Variants in UVRAG observed in about 807,000 individuals in gnomAD.
UVRAG encodes the protein UV radiation resistance-associated gene protein.
UVRAG carries 19 observed loss-of-function variants against 78.0 expected under a neutral mutation model. The observed-to-expected ratio is 0.24, with a 90% confidence interval of 0.17 to 0.36. The LOEUF (loss-of-function observed/expected upper bound fraction) is 0.36, where lower values mean the gene tolerates loss of function less well. Ranked by LOEUF, UVRAG falls within the 10% of genes least tolerant of loss-of-function variation. The probability of loss-of-function intolerance (pLI) is 1.00; values close to 1 mark genes in which losing one functional copy is unlikely to be tolerated. For synonymous variants in UVRAG, 323 were observed against 324.6 expected (o/e 1.00, Z 0.05); for missense variants, 740 against 853.8 (o/e 0.87, Z 1.66).
At chr11:76,028,678 C>T (rs1025678280) in intron 12 of UVRAG, among the ~76,000 whole-genome samples, 14 of 152,120 alleles carry the variant, frequency 9.2e-5, no homozygotes, top group Non-Finnish European at 1.3e-4. Context: ...TCCAGAGCAA[C>T]GACCTAACTT....
intron 14 of UVRAG, among the ~76,000 whole-genome samples, chr11:76,129,934 CTCTCTCTCTCTCTCGCTT>C (rs1952482818): frequency 1.4e-5 from 2 of 143,040 alleles, no homozygotes; most frequent in South Asian, 4.2e-4. Context: ...CTCTCTCTCG[CTCTCTCTCTCTCTCGCTT>C]TCTCTCTCTC....
At chr11:75,823,143 G>C (rs1037118546) in intron 1 of UVRAG, among the ~76,000 whole-genome samples, 4 of 152,180 alleles carry the variant, frequency 2.6e-5, no homozygotes. Context: ...AATGACAGAG[G>C]TTTTAAGAGC....
At chr11:76,119,348 C>T (rs1952236609) in intron 14 of UVRAG, among the ~76,000 whole-genome samples, 1 of 152,102 alleles carries the variant, frequency 6.6e-6, no homozygotes, top group South Asian at 2.1e-4. Flanking sequence ...CTTTCCTCCT[C>T]CGCCTCCTCT....
At chr11:76,132,395 G>A (rs1952528243) in intron 14 of UVRAG, among the ~76,000 whole-genome samples, 1 of 152,100 alleles carries the variant, frequency 6.6e-6, no homozygotes, top group African/African-American at 2.4e-5. Flanking sequence ...ATTTTGACCA[G>A]CTGTGATCTA....
intron 14 of UVRAG, among the ~76,000 whole-genome samples, chr11:76,126,374 T>A (rs1952395347): frequency 6.6e-6 from 1 of 152,254 alleles, no homozygotes; most frequent in Non-Finnish European, 1.5e-5. Context: ...TTTTAAAGAT[T>A]ATTAATAAAT....
At chr11:75,826,268 G>A (rs1945508816) in intron 1 of UVRAG, among the ~76,000 whole-genome samples, 1 of 151,972 alleles carries the variant, frequency 6.6e-6, no homozygotes, top group Admixed American at 6.5e-5. Context: ...TGATTCTCCT[G>A]CCTCAGCCTC....
intron 8 of UVRAG, among the ~76,000 whole-genome samples, chr11:75,990,400 G>C (rs561459809): frequency 1.3e-5 from 2 of 152,144 alleles, no homozygotes; most frequent in Middle Eastern, 3.2e-3. Context: ...CACATTTTGT[G>C]TAGCAAGAAT....
chr11:76,111,290 A>G (rs753805551), intron 13 of UVRAG, among the ~76,000 whole-genome samples: 1 of 152,228 alleles, frequency 6.6e-6, no homozygotes, highest in Non-Finnish European at 1.5e-5. Flanking sequence ...AATCCAAACC[A>G]CAGACTCCAG....
In UVRAG at chr11:76,039,256, A is replaced by G. The variant is rs1228746894; in HGVS notation, c.1226+22276A>G. ...ATATGTGGTACTTGGTAAAGCATCA[A>G]ATGTTGGCCAATAATAGTAGTAGTG... On this transcript the variant is annotated intron_variant, in intron 12 of 14. Transcript: ENST00000356136. Among the ~76,000 whole-genome samples the G allele has an allele frequency of 2.0e-5, 3 of 152,344 alleles. No homozygotes were observed. The East Asian group carries it at 5.8e-4, about 29-fold the overall frequency.
intron 6 of UVRAG, among the ~76,000 whole-genome samples, chr11:75,953,255 C>T (rs1286318107): frequency 6.6e-6 from 1 of 152,142 alleles, no homozygotes; most frequent in Non-Finnish European, 1.5e-5. Context: ...CACTAACCTT[C>T]CTGTTTGCAG....
At chr11:75,822,894 A>T (rs57784548) in intron 1 of UVRAG, among the ~76,000 whole-genome samples, 2,768 of 152,108 alleles carry the variant, frequency 0.018, 84 homozygotes, top group African/African-American at 0.063. Flanking sequence ...GTCAGTCTTC[A>T]GCCCCTCTCC....
At chr11:76,037,991 A>G (rs1477689983) in intron 12 of UVRAG, among the ~76,000 whole-genome samples, 2 of 152,188 alleles carry the variant, frequency 1.3e-5, no homozygotes, top group Non-Finnish European at 2.9e-5. Context: ...AATTTTAAAA[A>G]TACAGATTTT....
intron 2 of UVRAG, among the ~76,000 whole-genome samples, chr11:75,857,787 CTT>C (rs112109313): frequency 7.0e-6 from 1 of 142,856 alleles, no homozygotes; most frequent in Non-Finnish European, 1.5e-5. Context: ...TGTACTCAGC[CTT>C]TTTTTTTTTT....
intron 8 of UVRAG, among the ~76,000 whole-genome samples, chr11:76,001,840 G>A (rs915360963): frequency 8.5e-5 from 13 of 152,062 alleles, no homozygotes; most frequent in Non-Finnish European, 1.9e-4. Flanking sequence ...TAGAGAAGAT[G>A]GGGGGGCTTC....
chr11:76,057,124 G>A (rs1434762611), intron 12 of UVRAG, among the ~76,000 whole-genome samples: 1 of 152,204 alleles, frequency 6.6e-6, no homozygotes, highest in Non-Finnish European at 1.5e-5. Flanking sequence ...AAGGCCCTGT[G>A]GGCTACCCTG....
intron 6 of UVRAG, among the ~76,000 whole-genome samples, chr11:75,923,678 T>C (rs1164276807): frequency 6.6e-6 from 1 of 152,220 alleles, no homozygotes; most frequent in African/African-American, 2.4e-5. Context: ...GTAAATCTTC[T>C]TTCAATCCCT....
intron 6 of UVRAG, among the ~76,000 whole-genome samples, chr11:75,929,532 C>T (rs1001861136): frequency 6.6e-6 from 1 of 152,134 alleles, no homozygotes; most frequent in Non-Finnish European, 1.5e-5. Context: ...CTACATTACC[C>T]CTAAATCTAA....
intron 3 of UVRAG, among the ~76,000 whole-genome samples, chr11:75,879,529 GA>G (rs1318489678): frequency 6.6e-6 from 1 of 152,194 alleles, no homozygotes; most frequent in Non-Finnish European, 1.5e-5. Context: ...ATGGAGGTTT[GA>G]ATCCAACAGT....
chr11:76,133,450 C>T (rs1033008775), intron 14 of UVRAG, among the ~76,000 whole-genome samples: 1 of 152,060 alleles, frequency 6.6e-6, no homozygotes, highest in East Asian at 1.9e-4. Flanking sequence ...GAGGCTACAG[C>T]TTCAGGCAGT....
Sources: allele counts gnomAD v4.1 joint callset (sites outside exome capture counted in the v4.1 genomes callset), GRCh38; gene constraint gnomAD v4.1.1; transcripts MANE v1.5; gene names NCBI Gene and HGNC (gene_info 2026-07-23, HGNC 2026-07-21).